Variants in COL4A5 observed in about 807,000 individuals in gnomAD.
The protein encoded by COL4A5 is collagen alpha-5(IV) chain.
COL4A5 carries 26 observed loss-of-function variants against 130.2 expected under a neutral mutation model. The ratio of observed to expected loss-of-function variants is 0.20; its 90% confidence interval spans 0.15 to 0.28. COL4A5 has a LOEUF of 0.28. Among genes scored for constraint, COL4A5 ranks in the 10% least tolerant of loss-of-function variants. The pLI is 1.00. For synonymous variants in COL4A5, 496 were observed against 439.6 expected, an observed-to-expected ratio of 1.13 and a Z score of -1.60; for missense variants, 1,131 against 1,344.3, an observed-to-expected ratio of 0.84 and a Z score of 2.48.
At chrX:108,655,505 T>C (rs1338326180) in intron 37 of COL4A5, 48 bp downstream of exon 37, 9 of 1,186,657 alleles carry the variant, frequency 7.6e-6, no homozygotes, top group Non-Finnish European at 1.0e-5. Flanking sequence ...CCTTATCTAC[T>C]CCAACCAGTA....
intron 1 of COL4A5, among the ~76,000 whole-genome samples, chrX:108,488,903 T>G (rs1292509481): frequency 1.8e-5 from 2 of 111,712 alleles, no homozygotes; most frequent in Non-Finnish European, 3.8e-5. Flanking sequence ...TAGCATTTTA[T>G]AATTCACTCA....
intron 21 of COL4A5, among the ~76,000 whole-genome samples, chrX:108,591,935 T>G (rs1363480330): frequency 9.0e-6 from 1 of 111,609 alleles, no homozygotes; most frequent in Non-Finnish European, 1.9e-5. Context: ...ATGTCCTTTC[T>G]TCCCTCTTAA....
chrX:108,569,050 A>T, intron 6 of COL4A5: 1 of 360,057 alleles, frequency 2.8e-6, no homozygotes, highest in Non-Finnish European at 4.8e-6. Flanking sequence ...TACTTACCAA[A>T]CCCTTTTTTG....
intron 29 of COL4A5, among the ~76,000 whole-genome samples, chrX:108,608,911 G>A (rs1469561033): frequency 9.0e-6 from 1 of 111,436 alleles, no homozygotes; most frequent in African/African-American, 3.3e-5. Context: ...GAAACATACG[G>A]TATGTACTTT....
At chrX:108,446,004 T>C (rs2064448135) in intron 1 of COL4A5, among the ~76,000 whole-genome samples, 1 of 111,607 alleles carries the variant, frequency 9.0e-6, no homozygotes, top group African/African-American at 3.2e-5. Context: ...AATTTTTGAA[T>C]TGTAAATGAT....
Position 108,482,944 on chromosome X carries a change from A to T in COL4A5, c.81+42738A>T, listed in dbSNP as rs1305045194. ...GCATAGAGTCACTAAATTCTTTGCCACTCATGAGTGGTGAATCAAGAGTGT... is the reference window on the plus strand; with the variant it reads ...GCATAGAGTCACTAAATTCTTTGCCTCTCATGAGTGGTGAATCAAGAGTGT... On this transcript the variant is annotated intron_variant, in intron 1 of 52. Transcript: ENST00000328300. Among the ~76,000 whole-genome samples, 7 of 111,655 alleles carry T rather than the reference A, an allele frequency of 6.3e-5. No homozygotes were observed. The East Asian group carries it at 2.0e-3, about 31-fold the overall frequency.
At chrX:108,577,736 T>C (rs887817086) in intron 10 of COL4A5, among the ~76,000 whole-genome samples, 1 of 111,324 alleles carries the variant, frequency 9.0e-6, no homozygotes, top group African/African-American at 3.3e-5. Context: ...CCCAGCTTTT[T>C]TCTCTTGCCC....
At chrX:108,565,549 G>T (rs2065955055) in intron 4 of COL4A5, among the ~76,000 whole-genome samples, 1 of 111,947 alleles carries the variant, frequency 8.9e-6, no homozygotes, top group Non-Finnish European at 1.9e-5. Context: ...GTACTCTGAC[G>T]TTCAGTCCAC....
chrX:108,542,432 T>C (rs1355653815), intron 2 of COL4A5, among the ~76,000 whole-genome samples: 1 of 111,238 alleles, frequency 9.0e-6, no homozygotes, highest in Admixed American at 9.5e-5. Context: ...ACAAAGGACA[T>C]GAACTCATCC....
intron 42 of COL4A5, among the ~76,000 whole-genome samples, chrX:108,672,356 A>G (rs968548096): frequency 2.7e-5 from 3 of 112,097 alleles, no homozygotes; most frequent in African/African-American, 6.5e-5. Flanking sequence ...TTCAAAGAAG[A>G]AAAAGAAAAG....
intron 2 of COL4A5, among the ~76,000 whole-genome samples, chrX:108,548,058 G>T (rs191468006): frequency 2.7e-5 from 3 of 111,594 alleles, no homozygotes; most frequent in East Asian, 5.8e-4. Flanking sequence ...TGCACTTCCC[G>T]GGTGAGGCGA....
chrX:108,689,886 T>C, intron 49 of COL4A5: 3 of 754,514 alleles, frequency 4.0e-6, no homozygotes, highest in South Asian at 1.3e-4. Context: ...GTATATGGGA[T>C]CACTCTCTCT....
intron 1 of COL4A5, among the ~76,000 whole-genome samples, chrX:108,444,586 A>G (rs1363130858): frequency 9.0e-6 from 1 of 111,609 alleles, no homozygotes; most frequent in African/African-American, 3.3e-5. Flanking sequence ...AGGAGCTCTG[A>G]TTCTTTTTAT....
At chrX:108,656,441 A>G (rs936093240) in intron 37 of COL4A5, among the ~76,000 whole-genome samples, 2 of 112,222 alleles carry the variant, frequency 1.8e-5, no homozygotes, top group Non-Finnish European at 3.8e-5. Context: ...GTTTGGGACT[A>G]TTATTTTTAA....
At chrX:108,658,454 C>T (rs1285644638) in intron 37 of COL4A5, among the ~76,000 whole-genome samples, 1 of 110,609 alleles carries the variant, frequency 9.0e-6, no homozygotes, top group Non-Finnish European at 1.9e-5. Flanking sequence ...GATTTGCTGG[C>T]CTTATGAGCT....
At chrX:108,676,285 G>A (rs571192030) in intron 43 of COL4A5, among the ~76,000 whole-genome samples, 1 of 111,653 alleles carries the variant, frequency 9.0e-6, no homozygotes, top group East Asian at 2.8e-4. Context: ...AGGAGAGAAG[G>A]TGTAAATGCT....
intron 2 of COL4A5, among the ~76,000 whole-genome samples, chrX:108,542,109 AT>A (rs1010581249): frequency 1.1e-4 from 12 of 110,924 alleles, no homozygotes; most frequent in African/African-American, 2.9e-4. Flanking sequence ...ATTTTATTTA[AT>A]TTTTTTTTAT....
intron 36 of COL4A5, among the ~76,000 whole-genome samples, chrX:108,648,321 A>G (rs974946599): frequency 9.0e-6 from 1 of 111,565 alleles, no homozygotes; most frequent in South Asian, 3.9e-4. Context: ...ATTCTGCCAG[A>G]CATTCAAAGA....
chrX:108,476,276 G>T (rs1345199560), intron 1 of COL4A5, among the ~76,000 whole-genome samples: 1 of 110,547 alleles, frequency 9.0e-6, no homozygotes, highest in Admixed American at 9.7e-5. Context: ...AAAAGTTTTT[G>T]ATTTTAATTT....
Sources: allele counts gnomAD v4.1 joint callset (sites outside exome capture counted in the v4.1 genomes callset), GRCh38; gene constraint gnomAD v4.1.1; transcripts MANE v1.5; gene names NCBI Gene and HGNC (gene_info 2026-07-23, HGNC 2026-07-21).